The following DCP2 variants were observed in gnomAD, a reference collection of about 807,000 sequenced individuals.
The protein encoded by DCP2 is m7GpppN-mRNA hydrolase.
Under a neutral mutation model 56.1 loss-of-function variants are expected in DCP2, and 30 were observed. The observed-to-expected ratio is 0.53, with a 90% CI of 0.40 to 0.73. DCP2 has a LOEUF of 0.73. Ranked by LOEUF, DCP2 falls within the 30% of genes least tolerant of loss-of-function variation. DCP2 has a pLI of 0.00. For synonymous variants in DCP2, 197 were observed against 163.3 expected (o/e 1.21, Z -1.57); for missense variants, 533 against 502.7 (o/e 1.06, Z -0.58).
intron 8 of DCP2, among the ~76,000 whole-genome samples, chr5:113,007,429 C>T (rs1337216056): frequency 6.7e-6 from 1 of 148,426 alleles, no homozygotes; most frequent in East Asian, 2.0e-4. Context: ...AAGAGATAGT[C>T]TCCCTCTGTT....
In DCP2 at chr5:113,015,485, G is replaced by A. The variant is rs1246049689; in HGVS notation, c.*2001G>A. On this transcript the variant is annotated 3_prime_UTR_variant, in exon 11 of 11. Coordinates refer to ENST00000389063, the MANE Select transcript of DCP2 (RefSeq NM_152624.6). ...GTTACCAGAAGTATGGCCTCTAATG[G>A]TGTTGAGCCTTTTCAAGAACCAACA... is the stretch of plus-strand genomic sequence containing the variant. 3 of 152,456 alleles carry A rather than the reference G, an allele frequency of 2.0e-5. No individual in the cohort carries two copies. The highest frequency in any genetic ancestry group is 2.0e-4 in the Admixed American group (3 of 15,258). 9.4% of individuals were successfully genotyped at this position (152,456 alleles called of 1,614,324 possible).
At chr5:113,013,054 G>A (rs575908148) in intron 10 of DCP2, among the ~76,000 whole-genome samples, 12 of 152,268 alleles carry the variant, frequency 7.9e-5, no homozygotes, top group Admixed American at 4.6e-4. Context: ...GTAAAGTTAC[G>A]CTCATTTTGA....
chr5:112,981,069 C>G (rs536111491), intron 1 of DCP2, among the ~76,000 whole-genome samples: 1 of 152,162 alleles, frequency 6.6e-6, no homozygotes, highest in Non-Finnish European at 1.5e-5. Flanking sequence ...ATTGCCCAGG[C>G]ATGATCATAG....
intron 1 of DCP2, among the ~76,000 whole-genome samples, chr5:112,985,084 C>G (rs1580796420): frequency 1.3e-5 from 2 of 152,044 alleles, no homozygotes; most frequent in African/African-American, 4.8e-5. Context: ...AAAGGATTAC[C>G]AAAAATGCTT....
At chr5:113,004,808 CTTTT>C (rs949743789) in intron 8 of DCP2, among the ~76,000 whole-genome samples, 2 of 145,098 alleles carry the variant, frequency 1.4e-5, no homozygotes, top group African/African-American at 5.1e-5. Context: ...TTCAATGTTA[CTTTT>C]TTTTTTTTTT....
In DCP2 at chr5:113,007,840, A is replaced by G. The variant is rs966330855; in HGVS notation, c.943-98A>G. 4.3e-5 allele frequency: 46 copies of G among 1,066,974 alleles called. No homozygotes were observed. In the African/African-American group the frequency reaches 7.1e-4, roughly 16 times the overall value. 66.1% of individuals were successfully genotyped at this position (1,066,974 alleles called of 1,614,324 possible). On this transcript the variant is annotated intron_variant, in intron 8 of 10. Coordinates refer to ENST00000389063, the MANE Select transcript of DCP2 (RefSeq NM_152624.6). The stretch of plus-strand genomic sequence containing the variant: ...ATTTGGGTAGGAGAAGCTTTGCTAA[A>G]AACTTGGTTCAACCAGCTAAACATA...
intron 1 of DCP2, among the ~76,000 whole-genome samples, chr5:112,978,371 A>T (rs1368738474): frequency 6.6e-6 from 1 of 152,090 alleles, no homozygotes; most frequent in Non-Finnish European, 1.5e-5. Flanking sequence ...GTATATTTCC[A>T]TTTTCATCTG....
At chr5:113,010,733 GT>G in intron 9 of DCP2, 22 bp from the exon 10 acceptor site, 3 of 1,341,780 alleles carry the variant, frequency 2.2e-6, no homozygotes, top group South Asian at 2.8e-5. Context: ...GTGTGTGTGT[GT>G]GTTTTTTTTT....
chr5:112,993,064 T>C (rs560611369), intron 4 of DCP2, among the ~76,000 whole-genome samples: 3 of 152,292 alleles, frequency 2.0e-5, no homozygotes, highest in East Asian at 3.9e-4. Flanking sequence ...TTCCTATTGG[T>C]AAAACATTTT....
intron 2 of DCP2, among the ~76,000 whole-genome samples, chr5:112,990,518 G>T (rs1207538545): frequency 6.6e-6 from 1 of 152,084 alleles, no homozygotes; most frequent in South Asian, 2.1e-4. Flanking sequence ...TTCATGGAAT[G>T]GTTAATGTTG....
chr5:113,010,314 G>C (rs772180331), intron 9 of DCP2, among the ~76,000 whole-genome samples: 1 of 150,824 alleles, frequency 6.6e-6, no homozygotes, highest in Non-Finnish European at 1.5e-5. Context: ...CCAAAGTGCT[G>C]GGATTACAGC....
At chr5:112,978,744 C>G (rs1402584705) in intron 1 of DCP2, among the ~76,000 whole-genome samples, 1 of 150,580 alleles carries the variant, frequency 6.6e-6, no homozygotes, top group South Asian at 2.1e-4. Flanking sequence ...AATGACTAGA[C>G]GCACATCAAC....
At chr5:112,977,819 G>T (rs1747789664) in intron 1 of DCP2, among the ~76,000 whole-genome samples, 1 of 152,120 alleles carries the variant, frequency 6.6e-6, no homozygotes, top group South Asian at 2.1e-4. Flanking sequence ...TGTGTGGATT[G>T]TGATTACAAG....
At chr5:112,983,145 C>G (rs975167461) in intron 1 of DCP2, among the ~76,000 whole-genome samples, 12 of 152,206 alleles carry the variant, frequency 7.9e-5, no homozygotes, top group African/African-American at 1.4e-4. Context: ...GAAGTTCCTT[C>G]AGAAACCAAG....
chr5:113,021,389 A>C lies in DCP2; in HGVS notation c.*7905A>C, dbSNP rs1225773700. Reference sequence around the variant, plus strand: ...TCTGGAAAAAACAAAAAACAACCAAAAAAAAAAAAAAAAAACCCCCAGGAA... The same window carrying C: ...TCTGGAAAAAACAAAAAACAACCAACAAAAAAAAAAAAAAACCCCCAGGAA... On this transcript the variant is annotated 3_prime_UTR_variant, in exon 11 of 11. Transcript: ENST00000389063. Among the ~76,000 whole-genome samples the C allele has an allele frequency of 1.0e-5, 1 of 100,028 alleles. No individual in the cohort carries two copies. Among genetic ancestry groups the C allele is most frequent in the Non-Finnish European group, 2.4e-5 (1 of 41,818 alleles). 65.6% of individuals were successfully genotyped at this position (100,028 alleles called of 152,430 possible).
intron 4 of DCP2, 24 bp from the exon 5 acceptor site, chr5:113,001,058 ATT>A (rs765964956): frequency 1.3e-6 from 2 of 1,564,912 alleles, no homozygotes; most frequent in Non-Finnish European, 1.7e-6. Context: ...TAAAATGAAA[ATT>A]TCATCCAAAT....
At chr5:112,997,815 A>C (rs567756463) in intron 4 of DCP2, among the ~76,000 whole-genome samples, 6 of 152,026 alleles carry the variant, frequency 3.9e-5, no homozygotes, top group Non-Finnish European at 7.4e-5. Flanking sequence ...GGGTTTCACT[A>C]TGTTGGCCAG....
At chr5:113,007,243 A>G (rs147208885) in intron 8 of DCP2, among the ~76,000 whole-genome samples, 210 of 152,318 alleles carry the variant, frequency 1.4e-3, no homozygotes, top group Non-Finnish European at 2.6e-3. Context: ...ACAATTGATT[A>G]CTACATCTAC....
chr5:113,015,766 A>G lies in DCP2; in HGVS notation c.*2282A>G, dbSNP rs747250441. 2.6e-5 allele frequency: 4 copies of G among 152,676 alleles called. No individual in the cohort carries two copies. Among genetic ancestry groups the G allele is most frequent in the Non-Finnish European group, 4.4e-5 (3 of 68,036 alleles). 9.5% of individuals were successfully genotyped at this position (152,676 alleles called of 1,614,324 possible). ...TGTACTTGTTTTAGGTACATCTACTATACTTATTCTCTCAAACCTGGGTAA... is the reference window on the plus strand; with the variant it reads ...TGTACTTGTTTTAGGTACATCTACTGTACTTATTCTCTCAAACCTGGGTAA... On this transcript the variant is annotated 3_prime_UTR_variant, in exon 11 of 11. Coordinates refer to ENST00000389063, the MANE Select transcript of DCP2 (RefSeq NM_152624.6).
Sources: gnomAD v4.1 joint callset for allele counts (sites outside exome capture counted in the v4.1 genomes callset) on GRCh38, gnomAD v4.1.1 for gene constraint, MANE v1.5 for transcripts, NCBI Gene and HGNC (gene_info 2026-07-23, HGNC 2026-07-21) for gene names.